The following CDC14B variants were observed in gnomAD, a reference collection of about 807,000 sequenced individuals.
CDC14B encodes the protein dual specificity protein phosphatase CDC14B.
Under a neutral mutation model 64.2 loss-of-function variants are expected in CDC14B, and 22 were observed. That is an observed-to-expected ratio of 0.34 (90% CI 0.24 to 0.49). The LOEUF is 0.49. Ranked by LOEUF, CDC14B falls within the 20% of genes least tolerant of loss-of-function variation. The pLI is 0.99. For missense variants in CDC14B, 498 were observed against 629.9 expected (o/e 0.79, Z 2.24); for synonymous variants, 191 against 215.8 (o/e 0.89, Z 1.01).
intron 1 of CDC14B, among the ~76,000 whole-genome samples, chr9:96,577,591 T>G (rs1183218973): frequency 6.6e-6 from 1 of 152,178 alleles, no homozygotes; most frequent in Non-Finnish European, 1.5e-5. Flanking sequence ...TGTGGTTAAG[T>G]GAACAGAGGT....
Position 96,509,054 on chromosome 9 carries a change from TTC to T in CDC14B, c.1460+617_1460+618del, listed in dbSNP as rs567797053. Among the ~76,000 whole-genome samples the T allele has an allele frequency of 4.6e-3, 694 of 152,354 alleles. 11 individuals are homozygous for T. The highest frequency in any genetic ancestry group is 0.03 in the South Asian group (143 of 4,834). Reference sequence around the variant, plus strand: ...CCCACTTCCACTCCTGGGCTATTTATTCTCTCTTCAGATGGGATCTGTTTTCA... The same window carrying T: ...CCCACTTCCACTCCTGGGCTATTTATTCTCTTCAGATGGGATCTGTTTTCA... On this transcript the variant is annotated intron_variant, in intron 13 of 13. Transcript: ENST00000375241.
intron 1 of CDC14B, among the ~76,000 whole-genome samples, chr9:96,571,785 T>C (rs745520948): frequency 3.9e-5 from 6 of 152,078 alleles, no homozygotes; most frequent in Non-Finnish European, 1.5e-5. Context: ...GTTTTCCTGC[T>C]CTCCTTTCCC....
rs1481628326 is a variant in CDC14B at position 96,502,792 on chromosome 9, G to A, written c.*961C>T. On this transcript the variant is annotated 3_prime_UTR_variant, in exon 14 of 14. Coordinates refer to ENST00000375241, the MANE Select transcript of CDC14B (RefSeq NM_033331.4). The stretch of plus-strand genomic sequence containing the variant: ...TCGCAGGCCACGTCAATGGCCTTAG[G>A]TGGATCTCATAAGGGAAAAAAAAAA... 16 of 397,798 alleles carry A rather than the reference G, an allele frequency of 4.0e-5. No homozygotes were observed. The highest frequency in any genetic ancestry group is 7.1e-5 in the Non-Finnish European group (16 of 225,790). 24.6% of individuals were successfully genotyped at this position (397,798 alleles called of 1,614,324 possible).
intron 5 of CDC14B, among the ~76,000 whole-genome samples, chr9:96,546,790 C>T (rs1026281309): frequency 3.3e-5 from 5 of 151,504 alleles, no homozygotes; most frequent in African/African-American, 9.7e-5. Context: ...TGGCCGGGCT[C>T]GGTGGCTCAT....
intron 1 of CDC14B, among the ~76,000 whole-genome samples, chr9:96,585,092 C>T (rs1306635682): frequency 6.6e-6 from 1 of 152,152 alleles, no homozygotes; most frequent in Non-Finnish European, 1.5e-5. Flanking sequence ...GGCCACTCAA[C>T]ATATTAATAA....
At chr9:96,565,898 A>AT (rs1158772032) in intron 1 of CDC14B, among the ~76,000 whole-genome samples, 2 of 152,164 alleles carry the variant, frequency 1.3e-5, no homozygotes, top group African/African-American at 4.8e-5. Context: ...GTAAGAAACT[A>AT]TTTTTTTCTT....
chr9:96,496,520 C>CA (rs1234421065), downstream of CDC14B, among the ~76,000 whole-genome samples: 1 of 152,254 alleles, frequency 6.6e-6, no homozygotes, highest in Non-Finnish European at 1.5e-5. Context: ...GAACGGCCGT[C>CA]AGCCGTTACC....
downstream of CDC14B, chr9:96,496,138 C>G (rs374215440): frequency 5.4e-6 from 2 of 371,736 alleles, no homozygotes; most frequent in East Asian, 7.3e-5. Flanking sequence ...CCAGTCAGGC[C>G]GAGGCCCACC....
intron 9 of CDC14B, among the ~76,000 whole-genome samples, chr9:96,528,151 T>C (rs1331611802): frequency 6.6e-6 from 1 of 152,240 alleles, no homozygotes; most frequent in Non-Finnish European, 1.5e-5. Context: ...TTGTATGATA[T>C]AGCACATTTT....
chr9:96,523,100 T>C (rs1024887693), intron 11 of CDC14B, among the ~76,000 whole-genome samples, 161 bp downstream of exon 11: 1 of 152,212 alleles, frequency 6.6e-6, no homozygotes, highest in Admixed American at 6.5e-5. Flanking sequence ...TTGTTTCCAC[T>C]ATTTTGGGTA....
At chr9:96,554,590 T>C (rs1001945664) in intron 4 of CDC14B, among the ~76,000 whole-genome samples, 1 of 152,190 alleles carries the variant, frequency 6.6e-6, no homozygotes, top group Non-Finnish European at 1.5e-5. Context: ...CGATGAACTT[T>C]AAAAGACTGT....
intron 13 of CDC14B, among the ~76,000 whole-genome samples, chr9:96,507,329 A>G (rs968673338): frequency 6.6e-6 from 1 of 151,450 alleles, no homozygotes; most frequent in Non-Finnish European, 1.5e-5. Flanking sequence ...AAAAAAAAAA[A>G]GCCTGAGCAC....
At chr9:96,497,991 C>G (rs1833323851), downstream of CDC14B, among the ~76,000 whole-genome samples, 1 of 152,146 alleles carries the variant, frequency 6.6e-6, no homozygotes. Flanking sequence ...ACCCAGAAAC[C>G]CCTTTTGTAA....
chr9:96,557,343 G>A (rs73654897), intron 4 of CDC14B, among the ~76,000 whole-genome samples: 3,893 of 152,314 alleles, frequency 0.026, 154 homozygotes, highest in African/African-American at 0.086. Context: ...CAGACACCCA[G>A]GAAGGGTGTT....
chr9:96,514,440 G>A (rs909998558), intron 12 of CDC14B: 192 of 985,222 alleles, frequency 1.9e-4, no homozygotes, highest in Non-Finnish European at 2.2e-4. Flanking sequence ...CTGAATGCGC[G>A]ACAATAAGCT....
At chr9:96,571,144 C>T (rs760777408) in intron 1 of CDC14B, among the ~76,000 whole-genome samples, 81 of 151,974 alleles carry the variant, frequency 5.3e-4, no homozygotes, top group Non-Finnish European at 9.6e-4. Flanking sequence ...TTTGAAAAAG[C>T]TGTCAGACAA....
chr9:96,501,291 C>G lies in CDC14B; in HGVS notation c.*2462G>C, dbSNP rs770587804. The G allele has an allele frequency of 6.6e-6, 1 of 152,258 alleles. No homozygotes were observed. The highest frequency in any genetic ancestry group is 1.5e-5 in the Non-Finnish European group (1 of 68,052). 9.4% of individuals were successfully genotyped at this position (152,258 alleles called of 1,614,324 possible). On this transcript the variant is annotated 3_prime_UTR_variant, in exon 14 of 14. Coordinates refer to ENST00000375241, the MANE Select transcript of CDC14B (RefSeq NM_033331.4). ...CTTCCAATTTTAATTCCATCGCAAA[C>G]CGTCCCAGTGTACTTTCAGGGCTAT...
Position 96,619,380 on chromosome 9 carries a change from G to C in CDC14B, c.-2C>G. ...CCGCCGCTCGCTTTTCCGCTTCATG[G>C]AGGCGGCCGCGGCCCGTCAGGGGGC... is the stretch of plus-strand genomic sequence containing the variant. On this transcript the variant is annotated 5_prime_UTR_variant, in exon 1 of 14. Coordinates refer to ENST00000375241, the MANE Select transcript of CDC14B (RefSeq NM_033331.4). 3.3e-6 allele frequency: 4 copies of C among 1,202,934 alleles called. No individual in the cohort carries two copies. The highest frequency in any genetic ancestry group is 4.1e-6 in the Non-Finnish European group (4 of 968,860). 74.5% of individuals were successfully genotyped at this position (1,202,934 alleles called of 1,614,324 possible).
Position 96,502,627 on chromosome 9 carries a change from C to G in CDC14B, c.*1126G>C. The G allele has an allele frequency of 9.4e-6, 3 of 319,562 alleles. No individual in the cohort carries two copies. Among genetic ancestry groups the G allele is most frequent in the Non-Finnish European group, 5.5e-6 (1 of 180,692 alleles). 19.8% of individuals were successfully genotyped at this position (319,562 alleles called of 1,614,324 possible). A position where few individuals can be genotyped will look rare whatever the true frequency, so the allele number is the denominator to read the frequency against. On this transcript the variant is annotated 3_prime_UTR_variant, in exon 14 of 14. Coordinates refer to ENST00000375241, the MANE Select transcript of CDC14B (RefSeq NM_033331.4). The stretch of plus-strand genomic sequence containing the variant: ...TTTTTTTTTTAGCAGCACATCAATT[C>G]TGTTTCTGTAACTGCTTCATGGCAC...
Sources: allele counts gnomAD v4.1 joint callset (sites outside exome capture counted in the v4.1 genomes callset), GRCh38; gene constraint gnomAD v4.1.1; transcripts MANE v1.5; gene names NCBI Gene and HGNC (gene_info 2026-07-23, HGNC 2026-07-21).